Variants in NOX3 observed in about 807,000 individuals in gnomAD.
NOX3 encodes the protein NADPH oxidase 3.
NOX3 carries 74 observed loss-of-function variants against 76.7 expected under a neutral mutation model. The ratio of observed to expected loss-of-function variants is 0.96; its 90% CI spans 0.80 to 1.17. The LOEUF (loss-of-function observed/expected upper bound fraction) is 1.17, where lower values mean the gene tolerates loss of function less well. NOX3 is among the 50% of genes most tolerant of loss of function. The probability of loss-of-function intolerance (pLI) is 0.00; values close to 1 mark genes in which losing one functional copy is unlikely to be tolerated. For missense variants in NOX3, 695 were observed against 703.3 expected (o/e 0.99, Z 0.13); for synonymous variants, 263 against 261.1 (o/e 1.01, Z -0.07).
intron 7 of NOX3, among the ~76,000 whole-genome samples, chr6:155,432,122 A>C (rs1291036280): frequency 6.6e-6 from 1 of 152,066 alleles, no homozygotes; most frequent in Non-Finnish European, 1.5e-5. Context: ...GTACATAGTG[A>C]TGTTTTGATA....
chr6:155,455,738 A>T lies in NOX3; in HGVS notation c.48+15T>A. 6.2e-7 allele frequency: 1 copy of T among 1,603,916 alleles called. No individual in the cohort carries two copies. The highest frequency in any genetic ancestry group is 1.3e-5 in the African/African-American group (1 of 74,836). ...ATCTATATATTTAAAGTTGAATAAC[A>T]AAAATGATACTTACTACTAATATGG... is the stretch of plus-strand genomic sequence containing the variant. On this transcript the variant is annotated intron_variant, in intron 1 of 13. Transcript: ENST00000159060.
chr6:155,416,744 CTTTTTTTTT>C (rs534711414), intron 10 of NOX3, among the ~76,000 whole-genome samples: 7 of 92,534 alleles, frequency 7.6e-5, no homozygotes, highest in South Asian at 7.9e-4. Context: ...CTGAAACATT[CTTTTTTTTT>C]TTTTTTTTTT....
At chr6:155,432,885 C>T (rs548962690) in intron 7 of NOX3, among the ~76,000 whole-genome samples, 36 of 152,138 alleles carry the variant, frequency 2.4e-4, no homozygotes, top group Admixed American at 1.6e-3. Flanking sequence ...GGGGTTGGAC[C>T]GAGCAAAGGA....
chr6:155,446,579 G>A (rs771399412), intron 4 of NOX3, among the ~76,000 whole-genome samples: 1 of 152,092 alleles, frequency 6.6e-6, no homozygotes, highest in Non-Finnish European at 1.5e-5. Context: ...TGCGTGACTC[G>A]GTGCCCCATC....
intron 6 of NOX3, among the ~76,000 whole-genome samples, chr6:155,439,393 C>A (rs1231439321): frequency 6.6e-6 from 1 of 151,976 alleles, no homozygotes; most frequent in African/African-American, 2.4e-5. Context: ...TATTGAATAC[C>A]AGAACAGTGT....
rs1363330024 is a variant in NOX3 at position 155,406,112 on chromosome 6, G to A, written c.1580+1018C>T. ...TGCCTTCAGATCTTTCCTCAAATAT[G>A]GGAACTGTTCTTTAATGAAGACAAT... On this transcript the variant is annotated intron_variant, in intron 12 of 13. Coordinates refer to ENST00000159060, the MANE Select transcript of NOX3 (RefSeq NM_015718.3). 2.0e-5 allele frequency among the ~76,000 whole-genome samples: 3 copies of A among 152,148 alleles called. No homozygotes were observed. In the East Asian group the frequency reaches 5.8e-4, roughly 29 times the overall value.
intron 4 of NOX3, among the ~76,000 whole-genome samples, chr6:155,445,001 G>T (rs1777042872): frequency 6.6e-6 from 1 of 152,160 alleles, no homozygotes. Context: ...TCTGGGACTT[G>T]GTGGTGTCTA....
chr6:155,409,175 GA>G (rs1562459116), intron 11 of NOX3, among the ~76,000 whole-genome samples: 1 of 152,164 alleles, frequency 6.6e-6, no homozygotes, highest in Non-Finnish European at 1.5e-5. Flanking sequence ...GCTACTGCTG[GA>G]AAAGAGTTGG....
At chr6:155,405,989 C>A (rs933052418) in intron 12 of NOX3, among the ~76,000 whole-genome samples, 4 of 152,214 alleles carry the variant, frequency 2.6e-5, no homozygotes, top group Admixed American at 2.0e-4. Flanking sequence ...GCTGCTCTCC[C>A]TCTCACCTCC....
In NOX3 at chr6:155,453,424, T is replaced by C. The variant is rs777941728; in HGVS notation, c.320A>G (p.Tyr107Cys). ...CTTACTTGCATTAACAGCTATCCCA[T>C]AGGCGACCAGTTTGTGAAATCTGAG... is the stretch of plus-strand genomic sequence containing the variant. The part of the protein sequence containing the change: ...KNLRFHKLVA[Y>C]GIAVNATIHI... Residue 107 changes from tyrosine to cysteine, a missense_variant, in exon 4 of 14, where the codon TAT (tyrosine) becomes TGT (cysteine). Tyr to Cys is a radical substitution (Grantham distance 194). Coordinates refer to ENST00000159060, the MANE Select transcript of NOX3 (RefSeq NM_015718.3). 10 of 1,613,396 alleles carry C rather than the reference T, an allele frequency of 6.2e-6. No homozygotes were observed. The highest frequency in any genetic ancestry group is 2.2e-5 in the East Asian group (1 of 44,880).
chr6:155,408,207 C>T (rs1018971090), intron 11 of NOX3, among the ~76,000 whole-genome samples: 6 of 152,134 alleles, frequency 3.9e-5, no homozygotes, highest in African/African-American at 1.2e-4. Flanking sequence ...GGGATGGTCT[C>T]GATCTCCTGA....
At chr6:155,402,258 A>C (rs186529581) in intron 12 of NOX3, among the ~76,000 whole-genome samples, 1 of 152,304 alleles carries the variant, frequency 6.6e-6, no homozygotes, top group East Asian at 1.9e-4. Context: ...TTTAATTGGG[A>C]GAATAATTTT....
intron 12 of NOX3, among the ~76,000 whole-genome samples, chr6:155,402,355 C>G (rs561669498): frequency 6.6e-6 from 1 of 152,260 alleles, no homozygotes; most frequent in South Asian, 2.1e-4. Context: ...TTGAATATAT[C>G]AATAAAAGGC....
chr6:155,453,707 T>G (rs752715997), intron 3 of NOX3, among the ~76,000 whole-genome samples: 6 of 152,212 alleles, frequency 3.9e-5, no homozygotes, highest in Non-Finnish European at 8.8e-5. Flanking sequence ...ATTAGTTCTC[T>G]GTTTATAATT....
chr6:155,403,852 G>A (rs6914415), intron 12 of NOX3, among the ~76,000 whole-genome samples: 3,476 of 152,180 alleles, frequency 0.023, 85 homozygotes, highest in African/African-American at 0.058. Context: ...TTTGAGGGAA[G>A]GGAGATAATT....
intron 5 of NOX3, among the ~76,000 whole-genome samples, chr6:155,441,124 C>T (rs1217403830): frequency 6.6e-6 from 1 of 152,170 alleles, no homozygotes; most frequent in African/African-American, 2.4e-5. Context: ...CATCACACAG[C>T]AGTTTATTTT....
chr6:155,436,339 C>CTTTT, intron 7 of NOX3, 79 bp downstream of exon 7: 1 of 1,539,154 alleles, frequency 6.5e-7, no homozygotes, highest in Non-Finnish European at 9.0e-7. Flanking sequence ...AATGTGCTTT[C>CTTTT]TTTTTTCCAA....
At chr6:155,416,914 C>A (rs902501600) in intron 10 of NOX3, among the ~76,000 whole-genome samples, 1 of 152,004 alleles carries the variant, frequency 6.6e-6, no homozygotes, top group African/African-American at 2.4e-5. Flanking sequence ...CCACGCCCGG[C>A]TAATTTTTGT....
intron 12 of NOX3, among the ~76,000 whole-genome samples, chr6:155,397,714 A>T (rs1236658807): frequency 6.6e-6 from 1 of 152,218 alleles, no homozygotes; most frequent in African/African-American, 2.4e-5. Flanking sequence ...GTTAGTTATC[A>T]CTAATATCCT....
Sources: gnomAD v4.1 joint callset for allele counts (sites outside exome capture counted in the v4.1 genomes callset) on GRCh38, gnomAD v4.1.1 for gene constraint, MANE v1.5 for transcripts, NCBI Gene and HGNC (gene_info 2026-07-23, HGNC 2026-07-21) for gene names.